The following TEK variants were observed in gnomAD, a reference collection of about 807,000 sequenced individuals.
TEK encodes TEK receptor tyrosine kinase, also known as angiopoietin-1 receptor.
TEK carries 43 observed loss-of-function variants against 131.8 expected under a neutral mutation model. That is an observed-to-expected ratio of 0.33 (90% CI 0.26 to 0.42). The LOEUF is 0.42. TEK is among the 10% of genes least tolerant of loss of function. The pLI, the probability that TEK is intolerant of heterozygous loss-of-function variation, is 1.00. For missense variants in TEK, 1,162 were observed against 1,384.4 expected, an observed-to-expected ratio of 0.84 and a Z score of 2.55; for synonymous variants, 580 against 491.6, an observed-to-expected ratio of 1.18 and a Z score of -2.38.
chr9:27,129,923 G>T (rs1822145961), intron 1 of TEK, among the ~76,000 whole-genome samples: 1 of 152,144 alleles, frequency 6.6e-6, no homozygotes, highest in Admixed American at 6.5e-5. Context: ...AAACTCATAG[G>T]TAGGTTTAAG....
intron 8 of TEK, among the ~76,000 whole-genome samples, chr9:27,184,016 G>A (rs1393049405): frequency 1.3e-5 from 2 of 152,120 alleles, no homozygotes; most frequent in Non-Finnish European, 2.9e-5. Flanking sequence ...GCAGATTTAC[G>A]TGCTACCAAG....
At position 27,218,133 on chromosome 9, in the gene TEK, C is replaced by CGGG. The variant is rs1429206297; in HGVS notation, c.3062+378_3062+380dup. Among the ~76,000 whole-genome samples the CGGG allele has an allele frequency of 6.6e-4, 95 of 143,922 alleles. 3 individuals carry two copies. The highest frequency in any genetic ancestry group is 2.3e-3 in the South Asian group (10 of 4,326). The allele number at this position is 143,922 out of a possible 152,430, so 94.4% of individuals were successfully genotyped here. ...GGGACAAAATAAGGCCAGACAGTGGCGGGGGTCGTCTCTGCTTGCAGCCTG... is the reference window on the plus strand; with the variant it reads ...GGGACAAAATAAGGCCAGACAGTGGCGGGGGGGGTCGTCTCTGCTTGCAGCCTG... On this transcript the variant is annotated intron_variant, in intron 19 of 22. Coordinates refer to ENST00000380036, the MANE Select transcript of TEK (RefSeq NM_000459.5).
chr9:27,213,432 G>GC, intron 17 of TEK, 52 bp from the exon 18 acceptor site: 1 of 1,374,278 alleles, frequency 7.3e-7, no homozygotes, highest in Non-Finnish European at 1.0e-6. Context: ...AAAGTTTTCA[G>GC]CCCTGGGGCT....
chr9:27,123,715 C>T (rs916015756), intron 1 of TEK, among the ~76,000 whole-genome samples: 1 of 152,182 alleles, frequency 6.6e-6, no homozygotes, highest in South Asian at 2.1e-4. Context: ...GATGACAACA[C>T]TGAGGCCCAG....
intron 10 of TEK, among the ~76,000 whole-genome samples, 200 bp downstream of exon 10, chr9:27,190,890 TG>T (rs1377290060): frequency 6.6e-6 from 1 of 152,180 alleles, no homozygotes; most frequent in East Asian, 1.9e-4. Context: ...GAAGTCACTG[TG>T]CGCTCTAGAA....
At chr9:27,172,058 T>C (rs143995453) in intron 4 of TEK, among the ~76,000 whole-genome samples, 1 of 152,340 alleles carries the variant, frequency 6.6e-6, no homozygotes, top group East Asian at 1.9e-4. Flanking sequence ...CTGCTCTCAC[T>C]GAACACAACA....
intron 1 of TEK, among the ~76,000 whole-genome samples, chr9:27,126,068 C>T (rs1326139176): frequency 6.6e-6 from 1 of 152,108 alleles, no homozygotes; most frequent in Non-Finnish European, 1.5e-5. Flanking sequence ...ACCACGAACA[C>T]GAGGTTAGGG....
At chr9:27,120,936 G>A (rs1474681781) in intron 1 of TEK, among the ~76,000 whole-genome samples, 2 of 152,214 alleles carry the variant, frequency 1.3e-5, no homozygotes, top group Admixed American at 1.3e-4. Context: ...TTTACTGGTT[G>A]GTTTTGCCCG....
intron 21 of TEK, among the ~76,000 whole-genome samples, chr9:27,226,821 T>G (rs1308287901): frequency 6.6e-6 from 1 of 152,196 alleles, no homozygotes; most frequent in Non-Finnish European, 1.5e-5. Flanking sequence ...AATAATGAAC[T>G]GTAGTGATAC....
intron 1 of TEK, among the ~76,000 whole-genome samples, chr9:27,145,409 G>C (rs1249722020): frequency 6.6e-6 from 1 of 152,178 alleles, no homozygotes; most frequent in African/African-American, 2.4e-5. Context: ...TTCCTTCTAA[G>C]GGTGTCTTAG....
intron 1 of TEK, among the ~76,000 whole-genome samples, chr9:27,115,999 C>G (rs1050674626): frequency 2.6e-5 from 4 of 152,148 alleles, no homozygotes; most frequent in Admixed American, 1.3e-4. Context: ...TAATAGTTTT[C>G]AGGATGGATT....
intron 21 of TEK, among the ~76,000 whole-genome samples, chr9:27,225,708 G>A (rs186306504): frequency 1.7e-3 from 253 of 152,154 alleles, no homozygotes; most frequent in East Asian, 9.1e-3. Context: ...CACCAAAAGC[G>A]ATGGCAACAA....
chr9:27,121,177 A>AG (rs1247659667), intron 1 of TEK, among the ~76,000 whole-genome samples: 1 of 152,050 alleles, frequency 6.6e-6, no homozygotes. Flanking sequence ...CAAAAAAAAA[A>AG]TTAGCCAGGC....
Position 27,122,930 on chromosome 9 carries a change from G to A in TEK, c.52+13288G>A, listed in dbSNP as rs1821846686. Among the ~76,000 whole-genome samples the A allele has an allele frequency of 2.0e-5, 3 of 151,952 alleles. No individual in the cohort carries two copies. In the South Asian group the frequency reaches 6.2e-4, roughly 32 times the overall value. ...TAGCCAGGCGTGGTGGCATATGCCT[G>A]TAGTCCCAGCTACCTGGGAGGCTGA... On this transcript the variant is annotated intron_variant, in intron 1 of 22. Coordinates refer to ENST00000380036, the MANE Select transcript of TEK (RefSeq NM_000459.5).
intron 1 of TEK, among the ~76,000 whole-genome samples, chr9:27,156,193 C>T (rs142620920): frequency 2.6e-5 from 4 of 152,204 alleles, no homozygotes; most frequent in Non-Finnish European, 5.9e-5. Context: ...AAAATTTGCC[C>T]ATCCATCCAT....
intron 1 of TEK, among the ~76,000 whole-genome samples, chr9:27,154,916 C>A (rs1305473186): frequency 2.0e-5 from 3 of 152,196 alleles, no homozygotes; most frequent in African/African-American, 7.2e-5. Context: ...TAGATACATA[C>A]CTAGAAATAA....
At chr9:27,213,128 A>G (rs952208437) in intron 17 of TEK, among the ~76,000 whole-genome samples, 12 of 152,112 alleles carry the variant, frequency 7.9e-5, no homozygotes, top group Non-Finnish European at 1.5e-4. Flanking sequence ...TCTTCTATCT[A>G]ATTTCATATA....
At chr9:27,171,720 CT>C (rs552150141) in intron 4 of TEK, among the ~76,000 whole-genome samples, 35 of 152,276 alleles carry the variant, frequency 2.3e-4, no homozygotes, top group Non-Finnish European at 4.0e-4. Context: ...TAATATGAAT[CT>C]TAAAAAATAT....
intron 22 of TEK, among the ~76,000 whole-genome samples, chr9:27,228,668 C>T (rs548585494): frequency 6.6e-6 from 1 of 152,232 alleles, no homozygotes; most frequent in African/African-American, 2.4e-5. Context: ...GCCTGACCTG[C>T]AGGTTACTAT....
Sources: gnomAD v4.1 joint callset for allele counts (sites outside exome capture counted in the v4.1 genomes callset) on GRCh38, gnomAD v4.1.1 for gene constraint, MANE v1.5 for transcripts, NCBI Gene and HGNC (gene_info 2026-07-23, HGNC 2026-07-21) for gene names.